Variants in SORCS3 observed in about 807,000 individuals in gnomAD.
The protein encoded by SORCS3 is sortilin related VPS10 domain containing receptor 3.
In SORCS3, 57 loss-of-function variants were observed where a neutral mutation model predicts 146.3. The observed-to-expected ratio is 0.39, with a 90% CI of 0.31 to 0.49. The LOEUF (loss-of-function observed/expected upper bound fraction) is 0.49. Ranked by LOEUF, SORCS3 falls within the 20% of genes least tolerant of loss-of-function variation. The pLI, the probability that SORCS3 is intolerant of heterozygous loss-of-function variation, is 0.92. For missense variants in SORCS3, 1,341 were observed against 1,575.5 expected, an observed-to-expected ratio of 0.85 and a Z score of 2.52; for synonymous variants, 653 against 618.5, an observed-to-expected ratio of 1.06 and a Z score of -0.83.
chr10:104,735,067 G>A (rs2016751836), intron 1 of SORCS3, among the ~76,000 whole-genome samples: 1 of 152,150 alleles, frequency 6.6e-6, no homozygotes, highest in East Asian at 1.9e-4. Flanking sequence ...AGAACAGAAT[G>A]GGTAGAGTGT....
chr10:105,054,615 C>T (rs77313957), intron 5 of SORCS3, among the ~76,000 whole-genome samples: 1 of 150,360 alleles, frequency 6.7e-6, no homozygotes, highest in Non-Finnish European at 1.5e-5. Context: ...CATCTTTTCA[C>T]TTAATTCTGT....
At chr10:104,966,707 C>T (rs2054828257) in intron 3 of SORCS3, among the ~76,000 whole-genome samples, 1 of 152,132 alleles carries the variant, frequency 6.6e-6, no homozygotes, top group African/African-American at 2.4e-5. Flanking sequence ...TATTGTAAGA[C>T]TCACTCAGCA....
At chr10:104,948,547 G>T (rs2019396487) in intron 3 of SORCS3, among the ~76,000 whole-genome samples, 2 of 152,278 alleles carry the variant, frequency 1.3e-5, no homozygotes, top group South Asian at 4.1e-4. Context: ...ACCAGGCCCT[G>T]GAAAGATAGT....
intron 5 of SORCS3, among the ~76,000 whole-genome samples, chr10:105,056,964 G>A (rs1264144865): frequency 6.6e-6 from 1 of 152,106 alleles, no homozygotes; most frequent in African/African-American, 2.4e-5. Flanking sequence ...AACATTAACA[G>A]TTTGCTGCAT....
At chr10:104,771,286 C>T (rs1052807104) in intron 1 of SORCS3, among the ~76,000 whole-genome samples, 1 of 152,196 alleles carries the variant, frequency 6.6e-6, no homozygotes, top group East Asian at 1.9e-4. Flanking sequence ...CAGATGCTCT[C>T]TTTTCCAGTT....
At chr10:104,656,237 G>A (rs1437745462) in intron 1 of SORCS3, among the ~76,000 whole-genome samples, 1 of 152,150 alleles carries the variant, frequency 6.6e-6, no homozygotes. Flanking sequence ...GAGGAGCAAG[G>A]TATTTGAAGG....
chr10:104,793,046 C>T (rs538042634), intron 1 of SORCS3, among the ~76,000 whole-genome samples: 7 of 152,224 alleles, frequency 4.6e-5, no homozygotes, highest in African/African-American at 1.4e-4. Context: ...TCACAACAAA[C>T]CTGGGATAAG....
chr10:104,652,963 T>A (rs2015581622), intron 1 of SORCS3, among the ~76,000 whole-genome samples: 2 of 152,222 alleles, frequency 1.3e-5, no homozygotes, highest in South Asian at 4.1e-4. Context: ...ATAAGACATG[T>A]GCTAATTGGA....
At chr10:104,872,624 A>G (rs1028464285) in intron 2 of SORCS3, among the ~76,000 whole-genome samples, 1 of 147,898 alleles carries the variant, frequency 6.8e-6, no homozygotes, top group Admixed American at 6.9e-5. Flanking sequence ...CCATGAGCCA[A>G]CTTAGGAATC....
intron 6 of SORCS3, among the ~76,000 whole-genome samples, chr10:105,091,897 A>G (rs369509411): frequency 6.6e-6 from 1 of 152,170 alleles, no homozygotes; most frequent in Non-Finnish European, 1.5e-5. Flanking sequence ...CAACTCTCGC[A>G]TGGGTTTTGC....
intron 1 of SORCS3, among the ~76,000 whole-genome samples, chr10:104,808,035 A>C (rs2017698291): frequency 6.6e-6 from 1 of 152,224 alleles, no homozygotes; most frequent in Non-Finnish European, 1.5e-5. Flanking sequence ...GCTGAGGGAA[A>C]CATTTGCAGT....
At chr10:104,881,473 A>G (rs2018629599) in intron 2 of SORCS3, among the ~76,000 whole-genome samples, 1 of 152,224 alleles carries the variant, frequency 6.6e-6, no homozygotes, top group African/African-American at 2.4e-5. Flanking sequence ...GGAACATTTA[A>G]ATGGAAATAT....
chr10:104,903,297 C>T (rs544701887), intron 2 of SORCS3, among the ~76,000 whole-genome samples: 3 of 152,108 alleles, frequency 2.0e-5, no homozygotes, highest in Non-Finnish European at 2.9e-5. Flanking sequence ...GACAGTCTTC[C>T]GAGAAATTAA....
chr10:105,112,961 AC>A (rs1479369425), intron 7 of SORCS3, among the ~76,000 whole-genome samples: 2 of 152,160 alleles, frequency 1.3e-5, no homozygotes, highest in Non-Finnish European at 2.9e-5. Flanking sequence ...AGAAGAAACA[AC>A]CTCACAAACA....
intron 4 of SORCS3, among the ~76,000 whole-genome samples, chr10:104,985,307 G>A (rs1398060868): frequency 1.3e-5 from 2 of 152,140 alleles, no homozygotes; most frequent in Non-Finnish European, 2.9e-5. Context: ...TGGCTCATCT[G>A]TAAGTAGCAA....
intron 1 of SORCS3, among the ~76,000 whole-genome samples, chr10:104,693,013 T>A (rs2016132506): frequency 6.6e-6 from 1 of 152,210 alleles, no homozygotes. Flanking sequence ...GACTATACAC[T>A]TAGAAACACT....
chr10:104,995,223 G>A (rs529039791), intron 4 of SORCS3, among the ~76,000 whole-genome samples: 7 of 144,816 alleles, frequency 4.8e-5, no homozygotes, highest in Admixed American at 4.2e-4. Context: ...ACAGTGGCAT[G>A]ATCTCAGCTT....
At chr10:104,845,750 T>G (rs1193037804) in intron 2 of SORCS3, among the ~76,000 whole-genome samples, 1 of 152,180 alleles carries the variant, frequency 6.6e-6, no homozygotes, top group East Asian at 1.9e-4. Flanking sequence ...TACCAATTTC[T>G]GTCTAGTCAA....
At chr10:104,903,931 GT>G (rs985229851) in intron 2 of SORCS3, among the ~76,000 whole-genome samples, 1 of 152,178 alleles carries the variant, frequency 6.6e-6, no homozygotes, top group African/African-American at 2.4e-5. Flanking sequence ...AAATTGTTTT[GT>G]TTTGGAAACT....
Sources: gnomAD v4.1 joint callset for allele counts (sites outside exome capture counted in the v4.1 genomes callset) on GRCh38, gnomAD v4.1.1 for gene constraint, MANE v1.5 for transcripts, NCBI Gene and HGNC (gene_info 2026-07-23, HGNC 2026-07-21) for gene names.